The following ACOXL variants were observed in gnomAD, a reference collection of about 807,000 sequenced individuals.
ACOXL encodes acyl-CoA oxidase like, also known as acyl-coenzyme A oxidase-like protein.
In ACOXL, 70 loss-of-function variants were observed where a neutral mutation model predicts 71.9. That is an observed-to-expected ratio of 0.97 (90% CI 0.80 to 1.19). The LOEUF (loss-of-function observed/expected upper bound fraction) is 1.19. Among genes scored for constraint, ACOXL ranks in the 50% most tolerant of loss-of-function variants. The pLI is 0.00. For missense variants in ACOXL, 703 were observed against 736.3 expected (o/e 0.95, Z 0.52); for synonymous variants, 253 against 281.6 (o/e 0.90, Z 1.02).
chr2:110,764,540 T>C lies in ACOXL; in HGVS notation c.-22-3828T>C, dbSNP rs141156302. 4.0e-3 allele frequency among the ~76,000 whole-genome samples: 612 copies of C among 152,304 alleles called. 3 individuals are homozygous for C. The highest frequency in any genetic ancestry group is 0.014 in the African/African-American group (570 of 41,556). On this transcript the variant is annotated intron_variant, in intron 1 of 17. Coordinates refer to ENST00000439055, the MANE Select transcript of ACOXL (RefSeq NM_001142807.4). ...ATGGCACAGATGATTTTTAGGGCAG[T>C]GAAGCTACTCCGTATGATACTATAA... is the stretch of plus-strand genomic sequence containing the variant.
In ACOXL at chr2:111,023,661, A is replaced by G. The variant is rs1477831568; in HGVS notation, c.1282-7966A>G. Among the ~76,000 whole-genome samples the G allele has an allele frequency of 2.0e-5, 3 of 152,122 alleles. No homozygotes were observed. The East Asian group carries it at 5.8e-4, about 29-fold the overall frequency. ...TGGAGCAGGATGGAGGATAATTGCC[A>G]AGAGAGACACTGAGCCCCTCAGCGT... On this transcript the variant is annotated intron_variant, in intron 14 of 17. Coordinates refer to ENST00000439055, the MANE Select transcript of ACOXL (RefSeq NM_001142807.4).
At chr2:110,921,310 A>C (rs747129632) in intron 11 of ACOXL, among the ~76,000 whole-genome samples, 1 of 148,674 alleles carries the variant, frequency 6.7e-6, no homozygotes, top group Non-Finnish European at 1.5e-5. Flanking sequence ...TATCTGCTCC[A>C]ATCTTTATTT....
At chr2:111,106,771 A>T (rs1008807355) in intron 17 of ACOXL, among the ~76,000 whole-genome samples, 2 of 152,152 alleles carry the variant, frequency 1.3e-5, no homozygotes, top group African/African-American at 4.8e-5. Flanking sequence ...CTCTGTTGAC[A>T]TCCAAAGGGC....
At chr2:110,936,491 G>A (rs1306504549) in intron 12 of ACOXL, among the ~76,000 whole-genome samples, 3 of 151,140 alleles carry the variant, frequency 2.0e-5, no homozygotes, top group African/African-American at 7.3e-5. Context: ...CAAACTCCTG[G>A]CCTCAAGTCA....
chr2:110,924,405 G>A lies in ACOXL; in HGVS notation c.906-9084G>A, dbSNP rs117300840. On this transcript the variant is annotated intron_variant, in intron 11 of 17. Transcript: ENST00000439055. ...ATTTGGCAGCGTTTTACCCACAGCA[G>A]AATTTTTTTCCAAAATTGGAGTCAG... is the stretch of plus-strand genomic sequence containing the variant. Among the ~76,000 whole-genome samples, 1,287 of 152,308 alleles carry A rather than the reference G, an allele frequency of 8.4e-3. 41 individuals carry two copies. The East Asian group carries it at 0.088, about 10-fold the overall frequency.
chr2:110,880,347 C>G (rs559237268), intron 10 of ACOXL, among the ~76,000 whole-genome samples: 9 of 152,208 alleles, frequency 5.9e-5, no homozygotes, highest in African/African-American at 1.7e-4. Flanking sequence ...GCATTTAATT[C>G]GAACTGTATG....
At chr2:110,944,559 T>A (rs2061024708) in intron 12 of ACOXL, among the ~76,000 whole-genome samples, 1 of 152,196 alleles carries the variant, frequency 6.6e-6, no homozygotes, top group Admixed American at 6.5e-5. Flanking sequence ...CTGTGCGTAC[T>A]CAATGTTTAG....
At chr2:110,995,821 A>C in intron 13 of ACOXL, 72 bp from the exon 14 acceptor site, 14 of 1,139,324 alleles carry the variant, frequency 1.2e-5, no homozygotes, top group African/African-American at 1.6e-5. Context: ...AAACAAACCT[A>C]CTCTATTTCT....
intron 13 of ACOXL, among the ~76,000 whole-genome samples, chr2:110,992,436 C>T (rs1401439185): frequency 2.0e-5 from 3 of 152,154 alleles, no homozygotes; most frequent in African/African-American, 4.8e-5. Flanking sequence ...GTCTGCACTC[C>T]GAGAGCAGTA....
rs757526469 is a variant in ACOXL, at chr2:110,768,457, A to G, written c.68A>G (p.Gln23Arg). 127 of 1,611,412 alleles carry G rather than the reference A, an allele frequency of 7.9e-5. No individual in the cohort carries two copies. Among genetic ancestry groups the G allele is most frequent in the Non-Finnish European group, 1.1e-4 (126 of 1,179,158 alleles). The change falls in exon 2 of 18, where the codon CAG (glutamine) becomes CGG (arginine). Residue 23 changes from glutamine to arginine, a missense_variant. Coordinates refer to ENST00000439055, the MANE Select transcript of ACOXL (RefSeq NM_001142807.4). ...MDLPLLKRAG[Q>R]DLAEKTKNFV... The stretch of plus-strand genomic sequence containing the variant: ...CTGCCTCTGTTAAAACGTGCAGGTC[A>G]GGATCTGGTAAGTGTCATTATTATT...
chr2:111,049,569 G>A (rs945289370), intron 16 of ACOXL, among the ~76,000 whole-genome samples: 1 of 152,118 alleles, frequency 6.6e-6, no homozygotes. Flanking sequence ...CTTATCTGAT[G>A]GAGTCTTGAT....
intron 5 of ACOXL, 58 bp downstream of exon 5, chr2:110,794,232 G>C (rs2105269383): frequency 6.6e-7 from 1 of 1,510,638 alleles, no homozygotes; most frequent in South Asian, 1.1e-5. Context: ...GACAGAAACA[G>C]ATCTCCTTCT....
chr2:111,101,749 A>C (rs1388179614), intron 17 of ACOXL: 1 of 152,560 alleles, frequency 6.6e-6, no homozygotes, highest in East Asian at 1.9e-4. Context: ...CAAGGCAGTG[A>C]GAACCCCTGG....
In ACOXL at chr2:110,793,649, G is replaced by T; in HGVS notation, c.160-1G>T. 6.2e-7 allele frequency: 1 copy of T among 1,613,714 alleles called. No homozygotes were observed. Among genetic ancestry groups the T allele is most frequent in the Non-Finnish European group, 8.5e-7 (1 of 1,179,632 alleles). On this transcript the variant is annotated splice_acceptor_variant, in intron 3 of 17. Transcript: ENST00000439055. LOFTEE classifies it high-confidence loss of function. ...ATGGTTTGTATTGTCCTTGTTTCCA[G>T]TGCGGAATAATTTATTGGCTATTTG...
intron 10 of ACOXL, among the ~76,000 whole-genome samples, chr2:110,869,654 C>T (rs1036377889): frequency 6.6e-6 from 1 of 152,220 alleles, no homozygotes; most frequent in African/African-American, 2.4e-5. Context: ...GTGACCCTCC[C>T]CTTATTCATT....
At chr2:111,088,919 G>A (rs989511069) in intron 16 of ACOXL, among the ~76,000 whole-genome samples, 1 of 152,202 alleles carries the variant, frequency 6.6e-6, no homozygotes, top group Non-Finnish European at 1.5e-5. Flanking sequence ...CTAGAAGGCT[G>A]CCTAGTTAAG....
intron 14 of ACOXL, among the ~76,000 whole-genome samples, chr2:111,009,180 C>A (rs560245556): frequency 1.3e-5 from 2 of 152,220 alleles, no homozygotes; most frequent in African/African-American, 4.8e-5. Context: ...AAGATAAACT[C>A]ATTTCATGAA....
intron 10 of ACOXL, among the ~76,000 whole-genome samples, chr2:110,875,742 G>A (rs949230258): frequency 2.0e-5 from 3 of 152,212 alleles, no homozygotes; most frequent in African/African-American, 4.8e-5. Flanking sequence ...AGGGAAGGCC[G>A]CCTGACCTCT....
intron 11 of ACOXL, among the ~76,000 whole-genome samples, chr2:110,912,524 C>T (rs746016262): frequency 5.9e-5 from 9 of 152,060 alleles, no homozygotes; most frequent in Non-Finnish European, 1.0e-4. Flanking sequence ...AGAAAGAATA[C>T]TCTTTTCAAT....
Sources: allele counts gnomAD v4.1 joint callset (sites outside exome capture counted in the v4.1 genomes callset), GRCh38; gene constraint gnomAD v4.1.1; transcripts MANE v1.5; gene names NCBI Gene and HGNC (gene_info 2026-07-23, HGNC 2026-07-21).